Variants in ROBO2 observed in about 807,000 individuals in gnomAD.
ROBO2 encodes roundabout guidance receptor 2.
Under a neutral mutation model 160.8 loss-of-function variants are expected in ROBO2, and 53 were observed. The ratio of observed to expected loss-of-function variants is 0.33; its 90% CI spans 0.26 to 0.41. The LOEUF is 0.41. Ranked by LOEUF, ROBO2 falls within the 10% of genes least tolerant of loss-of-function variation. The pLI is 1.00. For synonymous variants in ROBO2, 664 were observed against 611.7 expected (o/e 1.09, Z -1.26); for missense variants, 1,577 against 1,722.4 (o/e 0.92, Z 1.49).
intron 2 of ROBO2, among the ~76,000 whole-genome samples, chr3:76,502,573 T>A (rs2080521819): frequency 6.6e-6 from 1 of 152,214 alleles, no homozygotes; most frequent in Non-Finnish European, 1.5e-5. Flanking sequence ...TTAAATTTTT[T>A]AATTTTAATT....
chr3:76,272,631 C>T (rs997374670), intron 2 of ROBO2, among the ~76,000 whole-genome samples: 1 of 97,334 alleles, frequency 1.0e-5, no homozygotes, highest in African/African-American at 3.2e-5. Context: ...CCAGTGCACT[C>T]CAGCCTGGGC....
chr3:77,240,518 A>G (rs4684032), intron 2 of ROBO2, among the ~76,000 whole-genome samples: 80,789 of 152,054 alleles, frequency 0.53, 22,282 homozygotes, highest in Non-Finnish European at 0.62. Context: ...CGGCCAGCCC[A>G]GAGAGGGGCT....
At chr3:77,362,111 G>GT (rs1433084301) in intron 2 of ROBO2, among the ~76,000 whole-genome samples, 2 of 152,166 alleles carry the variant, frequency 1.3e-5, no homozygotes, top group Non-Finnish European at 2.9e-5. Flanking sequence ...GAAAGGGAAA[G>GT]TCAGGCAAGA....
At chr3:77,592,380 C>T (rs1034599703) in intron 17 of ROBO2, among the ~76,000 whole-genome samples, 3 of 151,956 alleles carry the variant, frequency 2.0e-5, no homozygotes, top group African/African-American at 7.2e-5. Context: ...GGAACAGAAA[C>T]AGAAAATAGA....
chr3:76,912,180 C>T (rs2076033695), intron 2 of ROBO2, among the ~76,000 whole-genome samples: 1 of 152,080 alleles, frequency 6.6e-6, no homozygotes, highest in African/African-American at 2.4e-5. Flanking sequence ...GCTTTCTTCT[C>T]TGTAACAGGA....
chr3:77,635,098 A>G, intron 24 of ROBO2, 55 bp downstream of exon 25: 1 of 1,570,836 alleles, frequency 6.4e-7, no homozygotes, highest in South Asian at 1.1e-5. Context: ...GCTCCATGCA[A>G]TCATTTACTT....
exon 2 of ROBO2, chr3:75,937,520 T>C (rs765949248): frequency 6.3e-7 from 1 of 1,577,158 alleles, no homozygotes; most frequent in South Asian, 1.1e-5. Context: ...AACGTGTCAC[T>C]AGAAGGATGT....
chr3:77,620,355 G>A (rs978414109), intron 22 of ROBO2, among the ~76,000 whole-genome samples: 1 of 152,162 alleles, frequency 6.6e-6, no homozygotes, highest in Non-Finnish European at 1.5e-5. Context: ...AATGTTATGT[G>A]TCCTCTTCCT....
At chr3:76,814,826 G>GA (rs1187987869) in intron 2 of ROBO2, among the ~76,000 whole-genome samples, 1 of 151,832 alleles carries the variant, frequency 6.6e-6, no homozygotes. Context: ...ATAATTTCTG[G>GA]AAAAAAATAT....
rs1476593093 is a variant in ROBO2, at chr3:77,576,904, A to T, written c.2204-586A>T. Among the ~76,000 whole-genome samples, 5 of 152,242 alleles carry T rather than the reference A, an allele frequency of 3.3e-5. No individual in the cohort carries two copies. The East Asian group carries it at 9.7e-4, about 29-fold the overall frequency. On this transcript the variant is annotated intron_variant, in intron 14 of 25. Coordinates refer to ENST00000461745, the Ensembl canonical transcript of ROBO2. ...CATTTATAGTTATGTTTCTGTTTTTATTTAGTAAGCACAAGCTAAAAGCAT... is the reference window on the plus strand; with the variant it reads ...CATTTATAGTTATGTTTCTGTTTTTTTTTAGTAAGCACAAGCTAAAAGCAT...
chr3:76,444,157 T>A (rs1331990186), intron 2 of ROBO2, among the ~76,000 whole-genome samples: 1 of 151,998 alleles, frequency 6.6e-6, no homozygotes, highest in Non-Finnish European at 1.5e-5. Context: ...TTTTTGTATT[T>A]TTAGTAGAGA....
At chr3:77,126,058 T>G in intron 2 of ROBO2, among the ~76,000 whole-genome samples, 1 of 152,184 alleles carries the variant, frequency 6.6e-6, no homozygotes, top group East Asian at 1.9e-4. Context: ...TTTTTCAAAG[T>G]AATACAATCA....
chr3:76,933,795 G>A (rs2077505405), intron 2 of ROBO2, among the ~76,000 whole-genome samples: 1 of 152,152 alleles, frequency 6.6e-6, no homozygotes, highest in Non-Finnish European at 1.5e-5. Context: ...GTGCAGTTGA[G>A]CTAACATGAA....
chr3:76,288,933 G>T (rs1010380268), intron 2 of ROBO2, among the ~76,000 whole-genome samples: 15 of 152,030 alleles, frequency 9.9e-5, no homozygotes, highest in African/African-American at 2.9e-4. Context: ...CTTTGCTATT[G>T]TGAATAGTGC....
chr3:77,038,007 T>C (rs368224491), upstream of ROBO2, among the ~76,000 whole-genome samples: 1 of 152,316 alleles, frequency 6.6e-6, no homozygotes, highest in African/African-American at 2.4e-5. Flanking sequence ...CTGAACTGGG[T>C]AAACCAAGCC....
chr3:76,041,355 A>G lies in ROBO2; in HGVS notation c.109+103753A>G, dbSNP rs1003981752. On this transcript the variant is annotated intron_variant, in intron 2 of 26. Coordinates refer to the ROBO2 transcript ENST00000487694. Reference sequence around the variant, plus strand: ...TTTTCTGAGCTACTAATAAAAACTTATGTAGAACTTTTGTGTCGGAGACCC... The same window carrying G: ...TTTTCTGAGCTACTAATAAAAACTTGTGTAGAACTTTTGTGTCGGAGACCC... Among the ~76,000 whole-genome samples, 8 of 151,960 alleles carry G rather than the reference A, an allele frequency of 5.3e-5. 1 individual carries two copies. The highest frequency in any genetic ancestry group is 1.9e-4 in the African/African-American group (8 of 41,234).
At chr3:77,003,339 A>G (rs1255916932) in intron 2 of ROBO2, among the ~76,000 whole-genome samples, 2 of 152,228 alleles carry the variant, frequency 1.3e-5, no homozygotes, top group Non-Finnish European at 1.5e-5. Context: ...TTTCAGAGGA[A>G]TACTTTAGTG....
intron 2 of ROBO2, among the ~76,000 whole-genome samples, chr3:76,328,899 TTTATGTTATTATATATATATATATATATA>T (rs2073252280): frequency 9.7e-6 from 1 of 102,808 alleles, no homozygotes; most frequent in Non-Finnish European, 1.9e-5. Context: ...TATATATATA[TTTATGTTATTATATATATATATATATATA>T]TATGTTATTA....
chr3:76,301,656 T>G (rs941038035), intron 2 of ROBO2, among the ~76,000 whole-genome samples: 3 of 152,096 alleles, frequency 2.0e-5, no homozygotes, highest in Non-Finnish European at 4.4e-5. Flanking sequence ...AGACCTGTTA[T>G]CCATCTATCT....
Sources: allele counts gnomAD v4.1 joint callset (sites outside exome capture counted in the v4.1 genomes callset), GRCh38; gene constraint gnomAD v4.1.1; transcripts MANE v1.5; gene names NCBI Gene and HGNC (gene_info 2026-07-23, HGNC 2026-07-21).